The following RPS6KC1 variants were observed in gnomAD, a reference collection of about 807,000 sequenced individuals.
The protein encoded by RPS6KC1 is inactive ribosomal protein S6 kinase delta-1.
A neutral mutation model predicts 103.8 loss-of-function variants in RPS6KC1; 54 were observed. That is an observed-to-expected ratio of 0.52 (90% confidence interval 0.42 to 0.65). The LOEUF (loss-of-function observed/expected upper bound fraction) is 0.65. RPS6KC1 is among the 30% of genes least tolerant of loss of function. RPS6KC1 has a pLI of 0.00. For missense variants in RPS6KC1, 1,151 were observed against 1,253.8 expected (o/e 0.92, Z 1.24); for synonymous variants, 439 against 438.7 (o/e 1.00, Z -0.01).
the RPS6KC1 span, among the ~76,000 whole-genome samples, chr1:213,851,608 C>G: frequency 3.3e-5 from 5 of 152,186 alleles, no homozygotes; most frequent in African/African-American, 7.2e-5. Flanking sequence ...GCTGCTGACT[C>G]CAGTGTTCTC....
At chr1:213,166,734 T>C (rs373707120) in intron 6 of RPS6KC1, among the ~76,000 whole-genome samples, 8 of 152,338 alleles carry the variant, frequency 5.3e-5, no homozygotes, top group East Asian at 1.9e-4. Flanking sequence ...ATCCCAACTT[T>C]GTTGCAGCTT....
the RPS6KC1 span, among the ~76,000 whole-genome samples, chr1:213,776,731 A>T: frequency 1.7e-4 from 26 of 152,320 alleles, no homozygotes; most frequent in East Asian, 1.5e-3. Context: ...TTGAAACCAG[A>T]CATTGACTTC....
chr1:213,059,898 A>G (rs186426349), intron 1 of RPS6KC1, among the ~76,000 whole-genome samples: 5 of 152,032 alleles, frequency 3.3e-5, no homozygotes, highest in South Asian at 2.1e-4. Context: ...GTCTCCATCT[A>G]TTGACCTCGT....
the RPS6KC1 span, among the ~76,000 whole-genome samples, chr1:213,484,290 T>G: frequency 0.16 from 24,708 of 152,194 alleles, 2,591 homozygotes; most frequent in East Asian, 0.28. Context: ...CTGCTCAGTA[T>G]CTTTCACAAG....
intron 10 of RPS6KC1, among the ~76,000 whole-genome samples, chr1:213,239,880 A>G (rs531683536): frequency 1.3e-5 from 2 of 152,320 alleles, no homozygotes; most frequent in East Asian, 1.9e-4. Flanking sequence ...CGTAAAAGTT[A>G]TAATTGACAA....
the RPS6KC1 span, among the ~76,000 whole-genome samples, chr1:213,698,745 T>C: frequency 7.9e-5 from 12 of 152,278 alleles, no homozygotes; most frequent in East Asian, 2.3e-3. Flanking sequence ...GTTTTCTTTT[T>C]GGGGAACTGC....
chr1:213,675,906 T>G, the RPS6KC1 span, among the ~76,000 whole-genome samples: 2 of 152,058 alleles, frequency 1.3e-5, no homozygotes, highest in Non-Finnish European at 1.5e-5. Context: ...AGTATACATC[T>G]AATATCATAT....
the RPS6KC1 span, among the ~76,000 whole-genome samples, chr1:213,807,814 C>A: frequency 6.6e-6 from 1 of 152,178 alleles, no homozygotes; most frequent in South Asian, 2.1e-4. Flanking sequence ...TTCCATTGCT[C>A]GTGAGGAACT....
At chr1:213,328,354 A>T in the RPS6KC1 span, among the ~76,000 whole-genome samples, 3 of 152,000 alleles carry the variant, frequency 2.0e-5, no homozygotes, top group Admixed American at 2.0e-4. Context: ...TCCTTAAGTT[A>T]CAAAGACATT....
intron 7 of RPS6KC1, among the ~76,000 whole-genome samples, chr1:213,174,616 G>A (rs923344137): frequency 2.8e-5 from 4 of 142,988 alleles, no homozygotes; most frequent in African/African-American, 1.1e-4. Context: ...GTTGCAGTGA[G>A]CCAAGATTGA....
the RPS6KC1 span, among the ~76,000 whole-genome samples, chr1:213,412,567 C>A: frequency 1.3e-5 from 2 of 152,206 alleles, no homozygotes; most frequent in African/African-American, 4.8e-5. Flanking sequence ...GTAGTGGGGG[C>A]AGATGTGCCC....
chr1:213,215,338 A>G (rs1002321943), intron 8 of RPS6KC1, among the ~76,000 whole-genome samples: 2 of 152,204 alleles, frequency 1.3e-5, no homozygotes, highest in Admixed American at 6.5e-5. Flanking sequence ...AAAAAGAATA[A>G]AAAGAAACGA....
the RPS6KC1 span, among the ~76,000 whole-genome samples, chr1:213,407,256 A>C: frequency 6.6e-6 from 1 of 152,154 alleles, no homozygotes; most frequent in Admixed American, 6.5e-5. Context: ...ACGCAGAGAG[A>C]GAGAGAGTGC....
chr1:213,280,655 G>A, the RPS6KC1 span, among the ~76,000 whole-genome samples: 41 of 152,318 alleles, frequency 2.7e-4, no homozygotes, highest in Admixed American at 2.7e-3. Context: ...GAAATTAGAT[G>A]TTTGCTGAAG....
chr1:213,730,080 C>T, the RPS6KC1 span, among the ~76,000 whole-genome samples: 3 of 152,286 alleles, frequency 2.0e-5, no homozygotes, highest in South Asian at 6.2e-4. Context: ...CCACTCCATC[C>T]ATGTCCAGTA....
In RPS6KC1 at chr1:213,117,354, C is replaced by T. The variant is rs1166862383; in HGVS notation, c.416C>T (p.Pro139Leu). The change falls in exon 5 of 15, where the codon CCT (proline) becomes CTT (leucine). Residue 139 changes from proline (P) to leucine (L), a missense_variant. This residue lies in a region of RPS6KC1 where 959 missense variants were observed against 1,006.3 expected (regional missense o/e 0.95). Transcript: ENST00000366960. The part of the protein sequence containing the change: ...IINDSSELIG[P>L]AEAHSDSLID... The stretch of plus-strand genomic sequence containing the variant: ...AATGATAGTTCTGAATTAATTGGTC[C>T]TGCTGAAGCTCACTCAGATTCCCTC... The T allele has an allele frequency of 1.9e-6, 3 of 1,609,808 alleles. No individual in the cohort carries two copies. The South Asian group carries it at 3.3e-5, about 18-fold the overall frequency.
chr1:213,625,426 G>A, the RPS6KC1 span, among the ~76,000 whole-genome samples: 5 of 92,188 alleles, frequency 5.4e-5, no homozygotes, highest in Non-Finnish European at 1.1e-4. Context: ...AATATGTCTT[G>A]GGGCTCTTTT....
At chr1:213,057,609 A>G (rs1208783419) in intron 1 of RPS6KC1, among the ~76,000 whole-genome samples, 3 of 151,040 alleles carry the variant, frequency 2.0e-5, no homozygotes, top group African/African-American at 7.3e-5. Context: ...TAATTTGCCT[A>G]TTTTTTTCTT....
the RPS6KC1 span, among the ~76,000 whole-genome samples, chr1:213,434,911 G>C: frequency 6.6e-6 from 1 of 151,846 alleles, no homozygotes; most frequent in African/African-American, 2.4e-5. Context: ...TTAAATTTGT[G>C]GGTTTATGGT....
Sources: allele counts gnomAD v4.1 joint callset (sites outside exome capture counted in the v4.1 genomes callset), GRCh38; gene constraint gnomAD v4.1.1; regional missense constraint gnomAD v4.1.1; transcripts MANE v1.5; gene names NCBI Gene and HGNC (gene_info 2026-07-23, HGNC 2026-07-21).